The following WASHC3 variants were observed in gnomAD, a reference collection of about 807,000 sequenced individuals.
WASHC3 encodes WASH complex subunit CCDC53.
WASHC3 carries 24 observed loss-of-function variants against 26.1 expected under a neutral mutation model. That is an observed-to-expected ratio of 0.92 (90% CI 0.66 to 1.29). The LOEUF is 1.29. WASHC3 is among the 50% of genes most tolerant of loss of function. The pLI is 0.00. For synonymous variants in WASHC3, 77 were observed against 75.7 expected (o/e 1.02, Z -0.09); for missense variants, 214 against 229.6 (o/e 0.93, Z 0.44).
At chr12:102,039,093 G>C (rs1207473254) in intron 5 of WASHC3, among the ~76,000 whole-genome samples, 1 of 149,100 alleles carries the variant, frequency 6.7e-6, no homozygotes, top group African/African-American at 2.5e-5. Flanking sequence ...TTGAGTAGCT[G>C]GCACTACCAG....
chr12:102,041,449 A>G (rs17032241), intron 4 of WASHC3, among the ~76,000 whole-genome samples: 6,349 of 152,154 alleles, frequency 0.042, 203 homozygotes, highest in African/African-American at 0.08. Context: ...ACTCTGCACA[A>G]TTGGATATTC....
At chr12:102,052,444 T>C (rs929207178) in intron 2 of WASHC3, among the ~76,000 whole-genome samples, 4 of 152,148 alleles carry the variant, frequency 2.6e-5, no homozygotes, top group African/African-American at 9.7e-5. Context: ...TCCTGAGTTC[T>C]AGGCTTGTCC....
intron 2 of WASHC3, 83 bp downstream of exon 2, chr12:102,061,163 TAA>T (rs2136699241): frequency 1.2e-6 from 1 of 861,244 alleles, no homozygotes; most frequent in East Asian, 2.6e-5. Context: ...ATAAAGACTG[TAA>T]TTCTTGTTTT....
Position 102,013,052 on chromosome 12 carries a change from T to C in WASHC3, c.*56A>G. ...CTAAGAGAGTTCAGGCTCAATCTCT[T>C]ACAGAATGTAAATGTACCCCTATGC... On this transcript the variant is annotated 3_prime_UTR_variant, in exon 7 of 7. Transcript: ENST00000240079. The C allele has an allele frequency of 2.5e-6, 2 of 792,726 alleles. No homozygotes were observed. The highest frequency in any genetic ancestry group is 1.6e-5 in the South Asian group (1 of 63,714). 49.1% of individuals were successfully genotyped at this position (792,726 alleles called of 1,614,324 possible).
At chr12:102,028,774 A>G (rs1334407204) in intron 5 of WASHC3, among the ~76,000 whole-genome samples, 1 of 150,204 alleles carries the variant, frequency 6.7e-6, no homozygotes, top group Non-Finnish European at 1.5e-5. Flanking sequence ...TATAAGAATA[A>G]TAAGAATTAT....
intron 2 of WASHC3, among the ~76,000 whole-genome samples, chr12:102,056,795 C>T (rs1288740302): frequency 6.6e-6 from 1 of 151,996 alleles, no homozygotes; most frequent in Non-Finnish European, 1.5e-5. Context: ...TAAACAAAAC[C>T]CCCAGGACTT....
At chr12:102,015,565 G>A (rs969947471) in intron 6 of WASHC3, among the ~76,000 whole-genome samples, 5 of 151,932 alleles carry the variant, frequency 3.3e-5, no homozygotes, top group African/African-American at 7.3e-5. Context: ...AAGTGTGTTC[G>A]ATAATATCTG....
chr12:102,025,963 G>C lies in WASHC3; in HGVS notation c.500+11C>G, dbSNP rs1472139801. ...TGGCAATAATATCATTATATTAGAA[G>C]AATTACTTACTCAAGAAGATCTGGG... On this transcript the variant is annotated intron_variant, in intron 6 of 6. Coordinates refer to ENST00000240079, the MANE Select transcript of WASHC3 (RefSeq NM_016053.4). 8.3e-6 allele frequency: 11 copies of C among 1,327,944 alleles called. No individual in the cohort carries two copies. The Admixed American group carries it at 8.3e-5, about 10-fold the overall frequency. 82.3% of individuals were successfully genotyped at this position (1,327,944 alleles called of 1,614,324 possible). A position where few individuals can be genotyped will look rare whatever the true frequency, so the allele number is the denominator to read the frequency against.
At chr12:102,030,605 A>T (rs17528053) in intron 5 of WASHC3, among the ~76,000 whole-genome samples, 28,211 of 152,160 alleles carry the variant, frequency 0.19, 2,676 homozygotes, top group Non-Finnish European at 0.21. Flanking sequence ...TCCTGGAAAC[A>T]AATTATTCAA....
At chr12:102,025,832 C>A in intron 6 of WASHC3, 142 bp downstream of exon 6, 2 of 616,458 alleles carry the variant, frequency 3.2e-6, no homozygotes, top group South Asian at 4.0e-5. Flanking sequence ...GGTAACATAA[C>A]AGACACACTA....
chr12:102,050,327 A>G, intron 2 of WASHC3: 2 of 450,748 alleles, frequency 4.4e-6, no homozygotes, highest in Middle Eastern at 5.8e-4. Context: ...TTGAATTAAA[A>G]TAACATTCTG....
upstream of WASHC3, chr12:102,062,081 G>A: frequency 2.5e-6 from 2 of 811,516 alleles, no homozygotes; most frequent in Non-Finnish European, 3.9e-6. Flanking sequence ...GGCCCTTCCC[G>A]CCGGAAGAAA....
At chr12:102,053,960 G>T (rs1307528893) in intron 2 of WASHC3, among the ~76,000 whole-genome samples, 1 of 152,174 alleles carries the variant, frequency 6.6e-6, no homozygotes, top group Admixed American at 6.5e-5. Flanking sequence ...AATGTGGAGA[G>T]GTGGAGTAAA....
chr12:102,043,275 A>T (rs913029296), intron 4 of WASHC3, among the ~76,000 whole-genome samples: 1 of 152,042 alleles, frequency 6.6e-6, no homozygotes, highest in African/African-American at 2.4e-5. Context: ...TTATTTATTT[A>T]TTTTTTATTT....
intron 3 of WASHC3, 51 bp downstream of exon 3, chr12:102,046,003 C>A (rs950703207): frequency 3.0e-6 from 3 of 989,098 alleles, no homozygotes; most frequent in Non-Finnish European, 4.6e-6. Flanking sequence ...ATTAAGAAAG[C>A]TGGTATATGC....
chr12:102,033,561 T>C (rs1345574980), intron 5 of WASHC3, among the ~76,000 whole-genome samples: 2 of 151,996 alleles, frequency 1.3e-5, no homozygotes, highest in Non-Finnish European at 2.9e-5. Context: ...GACAAGAATA[T>C]AAAGGCAACT....
chr12:102,054,738 A>C (rs1878525669), intron 2 of WASHC3, among the ~76,000 whole-genome samples: 1 of 152,260 alleles, frequency 6.6e-6, no homozygotes, highest in Non-Finnish European at 1.5e-5. Flanking sequence ...GTTTGAAACC[A>C]GAAATCAATA....
chr12:102,044,520 G>A (rs1375158437), intron 3 of WASHC3, among the ~76,000 whole-genome samples: 1 of 152,150 alleles, frequency 6.6e-6, no homozygotes, highest in Non-Finnish European at 1.5e-5. Flanking sequence ...CACAAGCTGT[G>A]TGATCTTGTG....
intron 5 of WASHC3, among the ~76,000 whole-genome samples, chr12:102,030,527 TA>T (rs961012523): frequency 1.3e-5 from 2 of 151,748 alleles, no homozygotes; most frequent in Non-Finnish European, 2.9e-5. Context: ...TACGGCTACC[TA>T]AAAAAAATGG....
Sources: allele counts gnomAD v4.1 joint callset (sites outside exome capture counted in the v4.1 genomes callset), GRCh38; gene constraint gnomAD v4.1.1; transcripts MANE v1.5; gene names NCBI Gene and HGNC (gene_info 2026-07-23, HGNC 2026-07-21).